The following MSRA variants were observed in gnomAD, a reference collection of about 807,000 sequenced individuals.
The protein encoded by MSRA is methionine sulfoxide reductase A, also known as mitochondrial peptide methionine sulfoxide reductase.
Under a neutral mutation model 31.3 loss-of-function variants are expected in MSRA, and 54 were observed. The ratio of observed to expected loss-of-function variants is 1.73; its 90% CI spans 1.39 to 2.17. MSRA has a LOEUF of 2.17. MSRA is among the 30% of genes most tolerant of loss of function. MSRA has a pLI of 0.00. For missense variants in MSRA, 507 were observed against 300.9 expected, an observed-to-expected ratio of 1.69 and a Z score of -5.07; for synonymous variants, 169 against 116.5, an observed-to-expected ratio of 1.45 and a Z score of -2.90.
intron 5 of MSRA, among the ~76,000 whole-genome samples, chr8:10,402,387 C>T (rs1288585247): frequency 6.6e-6 from 1 of 152,216 alleles, no homozygotes; most frequent in African/African-American, 2.4e-5. Flanking sequence ...GGTTCTTCCT[C>T]GACAGCCAGC....
intron 1 of MSRA, among the ~76,000 whole-genome samples, chr8:10,074,225 T>C (rs1797884208): frequency 6.6e-6 from 1 of 151,466 alleles, no homozygotes; most frequent in African/African-American, 2.4e-5. Context: ...TGGGACTACA[T>C]GCACCCGCCA....
At chr8:10,199,943 G>A (rs975949630) in intron 1 of MSRA, among the ~76,000 whole-genome samples, 2 of 152,160 alleles carry the variant, frequency 1.3e-5, no homozygotes, top group African/African-American at 2.4e-5. Flanking sequence ...CAAAGGACCC[G>A]CCTCTAGGTA....
chr8:10,284,976 C>G (rs999381702), intron 3 of MSRA, among the ~76,000 whole-genome samples: 2 of 149,084 alleles, frequency 1.3e-5, no homozygotes, highest in African/African-American at 5.0e-5. Flanking sequence ...GCAACTTGAA[C>G]AAAGAATTTA....
intron 3 of MSRA, among the ~76,000 whole-genome samples, chr8:10,299,511 A>G (rs117445903): frequency 5.2e-3 from 797 of 152,248 alleles, no homozygotes; most frequent in South Asian, 8.1e-3. Context: ...GCTAACTTGA[A>G]TGACTATAGT....
chr8:10,222,075 C>T (rs1003536833), intron 2 of MSRA, among the ~76,000 whole-genome samples: 4 of 150,854 alleles, frequency 2.7e-5, no homozygotes, highest in Admixed American at 1.3e-4. Flanking sequence ...AGAGGTATGA[C>T]GTGACTTTTT....
intron 1 of MSRA, among the ~76,000 whole-genome samples, chr8:10,081,901 C>T (rs931162695): frequency 1.3e-5 from 2 of 152,186 alleles, no homozygotes; most frequent in African/African-American, 4.8e-5. Context: ...ACTCTTGTCT[C>T]ATTTTCTATC....
intron 5 of MSRA, among the ~76,000 whole-genome samples, chr8:10,375,333 A>C (rs1415972182): frequency 6.6e-6 from 1 of 152,220 alleles, no homozygotes; most frequent in Admixed American, 6.5e-5. Context: ...TACACACCAC[A>C]TAAGGACAGC....
At chr8:10,358,532 C>T (rs1043223648) in intron 5 of MSRA, among the ~76,000 whole-genome samples, 12 of 147,524 alleles carry the variant, frequency 8.1e-5, no homozygotes, top group Admixed American at 2.0e-4. Context: ...ACCTCAGCTC[C>T]GCCTCCTGTC....
intron 1 of MSRA, among the ~76,000 whole-genome samples, chr8:10,094,978 A>T (rs1159869830): frequency 3.3e-5 from 5 of 152,226 alleles, no homozygotes; most frequent in Admixed American, 2.0e-4. Context: ...TTGAATAGGT[A>T]CAGTTTGTAT....
At chr8:10,248,494 A>G (rs1361678266) in intron 3 of MSRA, among the ~76,000 whole-genome samples, 3 of 152,190 alleles carry the variant, frequency 2.0e-5, no homozygotes, top group Non-Finnish European at 4.4e-5. Context: ...ACACAGGCCA[A>G]GGAACCATCG....
intron 2 of MSRA, among the ~76,000 whole-genome samples, chr8:10,211,469 A>G (rs1809490194): frequency 6.6e-6 from 1 of 152,004 alleles, no homozygotes; most frequent in Non-Finnish European, 1.5e-5. Context: ...GGCTTCTCCT[A>G]CCTGTGTGTG....
At chr8:10,407,712 G>A (rs1038332663) in intron 5 of MSRA, among the ~76,000 whole-genome samples, 1 of 152,156 alleles carries the variant, frequency 6.6e-6, no homozygotes, top group African/African-American at 2.4e-5. Context: ...TGGATCCCAG[G>A]AAATGGTGGG....
At chr8:10,368,881 A>C (rs1164644373) in intron 5 of MSRA, among the ~76,000 whole-genome samples, 6 of 152,254 alleles carry the variant, frequency 3.9e-5, no homozygotes, top group South Asian at 4.2e-4. Context: ...TTGCTAATCT[A>C]ACAGCCAGAA....
At chr8:10,242,990 C>T (rs1049218045) in intron 2 of MSRA, among the ~76,000 whole-genome samples, 2 of 152,156 alleles carry the variant, frequency 1.3e-5, no homozygotes, top group African/African-American at 4.8e-5. Context: ...TTCTTGATCC[C>T]TATTAAGCAT....
chr8:10,180,501 C>T (rs1806446076), intron 1 of MSRA, among the ~76,000 whole-genome samples: 1 of 152,172 alleles, frequency 6.6e-6, no homozygotes, highest in Non-Finnish European at 1.5e-5. Flanking sequence ...GGGGCTGAAA[C>T]TTCCAATCCT....
At chr8:10,164,443 C>T (rs1804944186) in intron 1 of MSRA, among the ~76,000 whole-genome samples, 1 of 152,188 alleles carries the variant, frequency 6.6e-6, no homozygotes, top group Non-Finnish European at 1.5e-5. Flanking sequence ...CCCTCGTTAG[C>T]TTCCTGAGCT....
intron 1 of MSRA, among the ~76,000 whole-genome samples, chr8:10,111,953 A>G (rs1370766775): frequency 6.6e-6 from 1 of 151,966 alleles, no homozygotes; most frequent in Non-Finnish European, 1.5e-5. Context: ...CTTCTTCCTG[A>G]TGTTGGGTTT....
At chr8:10,223,957 A>T (rs1217030777) in intron 2 of MSRA, among the ~76,000 whole-genome samples, 1 of 152,210 alleles carries the variant, frequency 6.6e-6, no homozygotes, top group Non-Finnish European at 1.5e-5. Flanking sequence ...TTGGACTCAC[A>T]CCTGGGTTCA....
intron 1 of MSRA, among the ~76,000 whole-genome samples, chr8:10,120,944 T>G (rs1435458461): frequency 6.6e-6 from 1 of 152,208 alleles, no homozygotes; most frequent in Non-Finnish European, 1.5e-5. Flanking sequence ...GTAATTAAAT[T>G]TATACAATTT....
Sources: gnomAD v4.1 joint callset for allele counts (sites outside exome capture counted in the v4.1 genomes callset) on GRCh38, gnomAD v4.1.1 for gene constraint, MANE v1.5 for transcripts, NCBI Gene and HGNC (gene_info 2026-07-23, HGNC 2026-07-21) for gene names.